Variants in USH2A observed in about 807,000 individuals in gnomAD.
The protein encoded by USH2A is Usher syndrome 2A (autosomal recessive, mild).
USH2A carries 443 observed loss-of-function variants against 538.9 expected under a neutral mutation model. The ratio of observed to expected loss-of-function variants is 0.82; its 90% CI spans 0.76 to 0.89. USH2A has a LOEUF of 0.89. Ranked by LOEUF, USH2A falls within the 40% of genes least tolerant of loss-of-function variation. The pLI, the probability that USH2A is intolerant of heterozygous loss-of-function variation, is 0.00. For missense variants in USH2A, 6,633 were observed against 6,324.8 expected, an observed-to-expected ratio of 1.05 and a Z score of -1.65; for synonymous variants, 2,413 against 2,273.5, an observed-to-expected ratio of 1.06 and a Z score of -1.75.
At position 215,671,148 on chromosome 1, in the gene USH2A, C is replaced by T. The variant is rs1266399399; in HGVS notation, c.13957G>A (p.Val4653Ile). The change falls in exon 64 of 72, where the codon GTT (valine) becomes ATT (isoleucine). Residue 4653 changes from valine (V) to isoleucine (I), a missense_variant. Coordinates refer to ENST00000307340, the MANE Select transcript of USH2A (RefSeq NM_206933.4). ...QMAPGGFQPT[V>I]SLLWTGPLQP... is the part of the protein sequence containing the mutation. ...AGCGGTCCTGTCCACAAAAGAGAAA[C>T]AGTTGGCTGGAATCCTCCTGGAGCC... 4.3e-6 allele frequency: 7 copies of T among 1,613,978 alleles called. No individual in the cohort carries two copies. The highest frequency in any genetic ancestry group is 5.9e-6 in the Non-Finnish European group (7 of 1,180,004).
intron 11 of USH2A, among the ~76,000 whole-genome samples, chr1:216,282,486 A>C (rs2036802097): frequency 6.6e-6 from 1 of 152,228 alleles, no homozygotes; most frequent in South Asian, 2.1e-4. Flanking sequence ...AAACGACTAC[A>C]CTTTCTCCAC....
At chr1:215,898,007 A>ATGG (rs1665395414) in intron 40 of USH2A, among the ~76,000 whole-genome samples, 1 of 152,112 alleles carries the variant, frequency 6.6e-6, no homozygotes, top group Non-Finnish European at 1.5e-5. Context: ...CCTTTCAGAG[A>ATGG]TGGCATCCAT....
chr1:215,973,208 A>T (rs1667536688), intron 35 of USH2A, among the ~76,000 whole-genome samples: 1 of 152,174 alleles, frequency 6.6e-6, no homozygotes, highest in African/African-American at 2.4e-5. Context: ...CTTTTCTTAC[A>T]TAATTGGGGA....
chr1:216,389,025 G>C (rs1052326172), intron 3 of USH2A, among the ~76,000 whole-genome samples: 1 of 152,134 alleles, frequency 6.6e-6, no homozygotes, highest in Non-Finnish European at 1.5e-5. Flanking sequence ...GACAGAAGGA[G>C]AATAAAACCA....
intron 21 of USH2A, among the ~76,000 whole-genome samples, chr1:216,162,588 T>A (rs1306674131): frequency 2.0e-5 from 3 of 152,118 alleles, no homozygotes; most frequent in Admixed American, 6.6e-5. Flanking sequence ...ATTACCAGAT[T>A]ACCTCGACCT....
intron 44 of USH2A, among the ~76,000 whole-genome samples, chr1:215,857,087 C>T (rs1002647677): frequency 6.6e-5 from 10 of 151,884 alleles, no homozygotes; most frequent in African/African-American, 1.5e-4. Flanking sequence ...AGGGAGGCAA[C>T]GGATACAAGA....
At chr1:215,635,185 C>G (rs1656435995) in intron 69 of USH2A, among the ~76,000 whole-genome samples, 2 of 152,148 alleles carry the variant, frequency 1.3e-5, no homozygotes, top group Admixed American at 1.3e-4. Flanking sequence ...AGTCCAATTC[C>G]TGATACTTCG....
intron 48 of USH2A, among the ~76,000 whole-genome samples, 146 bp downstream of exon 48, chr1:215,816,844 ATTTTTGT>A: frequency 6.6e-6 from 1 of 152,084 alleles, no homozygotes; most frequent in Non-Finnish European, 1.5e-5. Context: ...GGTGATAGTG[ATTTTTGT>A]AAGCATCCTT....
At chr1:216,310,250 T>C (rs2037394399) in intron 9 of USH2A, among the ~76,000 whole-genome samples, 2 of 152,096 alleles carry the variant, frequency 1.3e-5, no homozygotes, top group Admixed American at 1.3e-4. Flanking sequence ...TGGTTTTAGT[T>C]GAGCATTTTT....
chr1:216,081,296 T>C (rs2031933835), intron 26 of USH2A, among the ~76,000 whole-genome samples: 1 of 152,138 alleles, frequency 6.6e-6, no homozygotes, highest in African/African-American at 2.4e-5. Context: ...GTGAACTTAA[T>C]GAGAGAGACT....
intron 9 of USH2A, among the ~76,000 whole-genome samples, chr1:216,309,602 G>A (rs1336691128): frequency 6.6e-6 from 1 of 152,186 alleles, no homozygotes; most frequent in East Asian, 1.9e-4. Flanking sequence ...AGTGCTGAGA[G>A]GAAACATTCT....
chr1:215,964,819 C>T (rs1667296518), intron 37 of USH2A, among the ~76,000 whole-genome samples: 1 of 152,174 alleles, frequency 6.6e-6, no homozygotes, highest in South Asian at 2.1e-4. Context: ...GCCTAATCCA[C>T]ATTCAGTAAA....
intron 43 of USH2A, among the ~76,000 whole-genome samples, chr1:215,874,744 C>A (rs965476964): frequency 1.3e-5 from 2 of 152,120 alleles, no homozygotes; most frequent in African/African-American, 4.8e-5. Flanking sequence ...ATATTCAAGT[C>A]AAGATGGTAA....
intron 9 of USH2A, among the ~76,000 whole-genome samples, chr1:216,297,173 C>A (rs2037123437): frequency 6.6e-6 from 1 of 151,952 alleles, no homozygotes; most frequent in Non-Finnish European, 1.5e-5. Flanking sequence ...ATTTTTCTCA[C>A]TCATAATATG....
intron 62 of USH2A, among the ~76,000 whole-genome samples, chr1:215,678,341 C>T (rs141628165): frequency 8.7e-4 from 133 of 152,320 alleles, no homozygotes; most frequent in African/African-American, 3.2e-3. Flanking sequence ...TCCCTCCAAC[C>T]TCTTCTAGTG....
rs755580040 is a variant in USH2A at position 215,870,280 on chromosome 1, ATTTT to A, written c.8682-3114_8682-3111del. Reference sequence around the variant, plus strand: ...TTTAAGGAAACAAGATTTTTTTTTTATTTTTTATTTTTTTTTTATTTATTTATTT... The same window carrying A: ...TTTAAGGAAACAAGATTTTTTTTTTATTATTTTTTTTTTATTTATTTATTT... On this transcript the variant is annotated intron_variant, in intron 43 of 71. Coordinates refer to ENST00000307340, the MANE Select transcript of USH2A (RefSeq NM_206933.4). 2.0e-3 allele frequency among the ~76,000 whole-genome samples: 298 copies of A among 148,374 alleles called. 2 individuals carry two copies. The highest frequency in any genetic ancestry group is 0.014 in the Middle Eastern group (4 of 294).
chr1:216,066,691 A>G (rs182347244), intron 30 of USH2A, among the ~76,000 whole-genome samples: 114 of 152,332 alleles, frequency 7.5e-4, no homozygotes, highest in Non-Finnish European at 1.5e-3. Context: ...ATTTACCTAG[A>G]AGGATTTTAA....
At chr1:216,370,641 G>A (rs1402202613) in intron 3 of USH2A, among the ~76,000 whole-genome samples, 2 of 116,996 alleles carry the variant, frequency 1.7e-5, no homozygotes, top group Non-Finnish European at 3.2e-5. Flanking sequence ...TCGCGCCACT[G>A]CACTCCAGCT....
chr1:216,326,942 G>T (rs546444658), intron 5 of USH2A, among the ~76,000 whole-genome samples: 1 of 152,096 alleles, frequency 6.6e-6, no homozygotes, highest in African/African-American at 2.4e-5. Flanking sequence ...AAGTTCAAAG[G>T]CATCCTAAGC....
Sources: gnomAD v4.1 joint callset for allele counts (sites outside exome capture counted in the v4.1 genomes callset) on GRCh38, gnomAD v4.1.1 for gene constraint, MANE v1.5 for transcripts, NCBI Gene and HGNC (gene_info 2026-07-23, HGNC 2026-07-21) for gene names.